AUTS2: variants seen among roughly 807,000 people sequenced by gnomAD.
The protein encoded by AUTS2 is activator of transcription and developmental regulator AUTS2.
AUTS2 carries 17 observed loss-of-function variants against 112.4 expected under a neutral mutation model. The ratio of observed to expected loss-of-function variants is 0.15; its 90% CI spans 0.10 to 0.23. AUTS2 has a LOEUF of 0.23. AUTS2 is among the 10% of genes least tolerant of loss of function. The pLI is 1.00. For synonymous variants in AUTS2, 751 were observed against 702.7 expected, an observed-to-expected ratio of 1.07 and a Z score of -1.09; for missense variants, 1,510 against 1,701.6, an observed-to-expected ratio of 0.89 and a Z score of 1.98.
intron 4 of AUTS2, among the ~76,000 whole-genome samples, chr7:70,357,540 C>T (rs766798147): frequency 1.3e-5 from 2 of 152,190 alleles, no homozygotes; most frequent in Non-Finnish European, 2.9e-5. Context: ...TCTGGCAACT[C>T]TCTTGGCAAC....
chr7:70,600,596 T>C (rs978625336), intron 5 of AUTS2, among the ~76,000 whole-genome samples: 2 of 152,146 alleles, frequency 1.3e-5, no homozygotes, highest in African/African-American at 4.8e-5. Flanking sequence ...ATTTTTAGTA[T>C]ATTTATAACC....
chr7:70,733,314 A>T (rs950354589), intron 6 of AUTS2, among the ~76,000 whole-genome samples: 9 of 152,210 alleles, frequency 5.9e-5, no homozygotes, highest in African/African-American at 2.2e-4. Flanking sequence ...CATCACTCAG[A>T]GTCATGGAAT....
At chr7:69,682,660 G>T (rs1487110153) in intron 1 of AUTS2, among the ~76,000 whole-genome samples, 2 of 152,170 alleles carry the variant, frequency 1.3e-5, no homozygotes, top group Admixed American at 6.5e-5. Context: ...TTATATGTCT[G>T]CCTTCTGGTC....
intron 4 of AUTS2, among the ~76,000 whole-genome samples, chr7:70,320,018 G>A (rs1790179060): frequency 6.6e-6 from 1 of 152,186 alleles, no homozygotes; most frequent in Non-Finnish European, 1.5e-5. Flanking sequence ...CTGTCCCTGA[G>A]CACTTTAATC....
chr7:70,571,167 A>G (rs1054604492), intron 5 of AUTS2, among the ~76,000 whole-genome samples: 1 of 152,228 alleles, frequency 6.6e-6, no homozygotes, highest in African/African-American at 2.4e-5. Context: ...TGAGCAATAA[A>G]GATTAGAAGA....
At chr7:69,673,753 A>C (rs1270654655) in intron 1 of AUTS2, among the ~76,000 whole-genome samples, 3 of 152,220 alleles carry the variant, frequency 2.0e-5, no homozygotes, top group Non-Finnish European at 4.4e-5. Context: ...GATGTGGGTT[A>C]CTTACATCAG....
chr7:69,747,748 ATATG>A (rs1367199131), intron 1 of AUTS2, among the ~76,000 whole-genome samples: 6 of 96,850 alleles, frequency 6.2e-5, no homozygotes. Context: ...GTGTGTGTGT[ATATG>A]TATGTGTGTG....
At chr7:70,078,056 T>C (rs1803121133) in intron 2 of AUTS2, among the ~76,000 whole-genome samples, 1 of 152,190 alleles carries the variant, frequency 6.6e-6, no homozygotes, top group Non-Finnish European at 1.5e-5. Context: ...ATATTCTCCA[T>C]GGCCTGTACT....
chr7:70,269,476 T>A (rs1050500105), intron 4 of AUTS2, among the ~76,000 whole-genome samples: 1 of 152,214 alleles, frequency 6.6e-6, no homozygotes, highest in African/African-American at 2.4e-5. Flanking sequence ...TGGGATTCTT[T>A]GAGAGAGTCT....
chr7:70,302,028 G>C (rs1008216268), intron 4 of AUTS2, among the ~76,000 whole-genome samples: 1 of 151,796 alleles, frequency 6.6e-6, no homozygotes, highest in Non-Finnish European at 1.5e-5. Flanking sequence ...TCTGCCCACC[G>C]CACCCAGCTG....
At chr7:70,751,222 C>T (rs553539670) in intron 6 of AUTS2, among the ~76,000 whole-genome samples, 68 of 152,230 alleles carry the variant, frequency 4.5e-4, no homozygotes, top group Non-Finnish European at 8.4e-4. Flanking sequence ...ATCAGCTTCT[C>T]GGATGAAGGT....
chr7:70,763,390 A>G (rs1789703492), intron 7 of AUTS2, 49 bp downstream of exon 7: 1 of 1,401,176 alleles, frequency 7.1e-7, no homozygotes. Context: ...CTCCCTGGGG[A>G]TCAGGTGGGT....
intron 4 of AUTS2, among the ~76,000 whole-genome samples, chr7:70,338,833 CTTATTTATTTATTTATTTA>C (rs1320476669): frequency 7.1e-6 from 1 of 141,012 alleles, no homozygotes; most frequent in African/African-American, 2.6e-5. Flanking sequence ...AGCCTCATCT[CTTATTTATTTATTTATTTA>C]TTTATTTATT....
In AUTS2 at chr7:69,899,483, G is replaced by T. The variant is rs550583746; in HGVS notation, c.507G>T (p.Pro169=). ...CQHLGKRKKM[P]KALRQLKPGQ... is the part of the protein sequence containing the mutation. ...ACCTTGGGAAGAGAAAGAAAATGCC[G>T]AAGGCACTCAGACAGGTGAGGAAGC... The change falls in exon 2 of 19, where the codon CCG becomes CCT. Residue 169 remains proline, a synonymous_variant. Transcript: ENST00000342771. 1.9e-6 allele frequency: 3 copies of T among 1,613,970 alleles called. No homozygotes were observed. The South Asian group carries it at 3.3e-5, about 18-fold the overall frequency.
intron 4 of AUTS2, among the ~76,000 whole-genome samples, chr7:70,280,934 A>G (rs1377350561): frequency 6.6e-6 from 1 of 152,148 alleles, no homozygotes; most frequent in Admixed American, 6.5e-5. Context: ...TAATAAATTT[A>G]TTAGGATTTT....
At chr7:70,428,189 A>C (rs1795509630) in intron 4 of AUTS2, among the ~76,000 whole-genome samples, 1 of 152,216 alleles carries the variant, frequency 6.6e-6, no homozygotes, top group Admixed American at 6.5e-5. Flanking sequence ...AAAAATTTCT[A>C]GGGCCCCAGT....
intron 5 of AUTS2, among the ~76,000 whole-genome samples, chr7:70,449,728 G>A (rs1796454580): frequency 6.6e-6 from 1 of 152,140 alleles, no homozygotes; most frequent in Admixed American, 6.5e-5. Context: ...AATATTCATA[G>A]AGTCATTTTA....
At chr7:70,213,157 T>C (rs1353617604) in intron 4 of AUTS2, among the ~76,000 whole-genome samples, 1 of 152,118 alleles carries the variant, frequency 6.6e-6, no homozygotes. Context: ...TAATACTGTA[T>C]ATCAACGAAT....
intron 1 of AUTS2, among the ~76,000 whole-genome samples, chr7:69,894,259 T>TG (rs1794647274): frequency 7.6e-6 from 1 of 132,240 alleles, no homozygotes; most frequent in Non-Finnish European, 1.6e-5. Flanking sequence ...AGCGTTTTTT[T>TG]TTTTTTTTTT....
Sources: allele counts gnomAD v4.1 joint callset (sites outside exome capture counted in the v4.1 genomes callset), GRCh38; gene constraint gnomAD v4.1.1; transcripts MANE v1.5; gene names NCBI Gene and HGNC (gene_info 2026-07-23, HGNC 2026-07-21).